DMRT1: variants seen among roughly 807,000 people sequenced by gnomAD.
The protein encoded by DMRT1 is doublesex- and mab-3-related transcription factor 1.
Under a neutral mutation model 32.3 loss-of-function variants are expected in DMRT1, and 7 were observed. The ratio of observed to expected loss-of-function variants is 0.22; its 90% CI spans 0.12 to 0.41. DMRT1 has a LOEUF of 0.41. Ranked by LOEUF, DMRT1 falls within the 10% of genes least tolerant of loss-of-function variation. The pLI, the probability that DMRT1 is intolerant of heterozygous loss-of-function variation, is 1.00. For missense variants in DMRT1, 625 were observed against 500.5 expected, an observed-to-expected ratio of 1.25 and a Z score of -2.37; for synonymous variants, 278 against 206.1, an observed-to-expected ratio of 1.35 and a Z score of -2.99.
chr9:898,379 A>G (rs1817453253), intron 3 of DMRT1, among the ~76,000 whole-genome samples: 1 of 152,178 alleles, frequency 6.6e-6, no homozygotes, highest in Admixed American at 6.5e-5. Context: ...TCGGCCTCCC[A>G]AAGTGCTGGG....
In DMRT1 at chr9:858,059, C is replaced by T. The variant is rs147221594; in HGVS notation, c.538+10916C>T. ...CATTTGGGTTGGTTTCAAGTCTTTGCTATTGTGAATAGTGCCGCTATAAAC... is the reference window on the plus strand; with the variant it reads ...CATTTGGGTTGGTTTCAAGTCTTTGTTATTGTGAATAGTGCCGCTATAAAC... On this transcript the variant is annotated intron_variant, in intron 2 of 4. Transcript: ENST00000382276. Among the ~76,000 whole-genome samples the T allele has an allele frequency of 5.9e-3, 892 of 152,116 alleles. 7 individuals carry two copies. The highest frequency in any genetic ancestry group is 0.021 in the African/African-American group (867 of 41,468).
intron 2 of DMRT1, among the ~76,000 whole-genome samples, chr9:888,249 T>G (rs73374733): frequency 0.059 from 8,907 of 152,090 alleles, 468 homozygotes; most frequent in African/African-American, 0.14. Context: ...CAGCTTGGGA[T>G]CTAAGCTCTG....
In DMRT1 at chr9:927,589, G is replaced by A. The variant is rs1300550765; in HGVS notation, c.967+10682G>A. On this transcript the variant is annotated intron_variant, in intron 4 of 4. Transcript: ENST00000382276. The stretch of plus-strand genomic sequence containing the variant: ...GGATAGCTTTTGTTTTCTGAACACT[G>A]AAAGTTAGCTTTATATGTATTTATA... Among the ~76,000 whole-genome samples the A allele has an allele frequency of 2.6e-5, 4 of 152,188 alleles. No homozygotes were observed. The South Asian group carries it at 8.3e-4, about 32-fold the overall frequency.
At chr9:871,997 G>C (rs1319140621) in intron 2 of DMRT1, among the ~76,000 whole-genome samples, 1 of 151,446 alleles carries the variant, frequency 6.6e-6, no homozygotes, top group Non-Finnish European at 1.5e-5. Flanking sequence ...ATAGGAAGCA[G>C]ACTTTATATT....
intron 3 of DMRT1, among the ~76,000 whole-genome samples, chr9:900,692 T>C (rs1817539535): frequency 6.6e-6 from 1 of 152,040 alleles, no homozygotes. Context: ...CTTAATTTTT[T>C]TTTTTTTTTG....
At position 894,092 on chromosome 9, in the gene DMRT1, C is replaced by G. The variant is rs1199100031; in HGVS notation, c.719C>G (p.Ala240Gly). 3 of 1,614,292 alleles carry G rather than the reference C, an allele frequency of 1.9e-6. No individual in the cohort carries two copies. The highest frequency in any genetic ancestry group is 3.3e-5 in the Admixed American group (2 of 60,034). ...QYSMALAADS[A>G]SGEVGNPLGG... ...TCCATGGCCTTGGCTGCTGATTCTG[C>G]TTCTGGGGAGGTGGGAAATCCCCTC... The change falls in exon 3 of 5, where the codon GCT (alanine) becomes GGT (glycine). Residue 240 changes from alanine to glycine, a missense_variant. Ala to Gly is a moderately conservative substitution (Grantham distance 60, BLOSUM62 0). Transcript: ENST00000382276.
intron 4 of DMRT1, among the ~76,000 whole-genome samples, chr9:962,713 T>G (rs1454194772): frequency 6.6e-6 from 1 of 152,108 alleles, no homozygotes; most frequent in African/African-American, 2.4e-5. Flanking sequence ...GCGCCCCTTC[T>G]TTCTCTTCCC....
Position 892,515 on chromosome 9 carries a change from C to T in DMRT1, c.539-1397C>T, listed in dbSNP as rs75883450. Among the ~76,000 whole-genome samples, 108 of 152,260 alleles carry T rather than the reference C, an allele frequency of 7.1e-4. 1 individual carries two copies. The highest frequency in any genetic ancestry group is 3.9e-3 in the East Asian group (20 of 5,164). ...GCCCCTCAGCCCTCCAGTTCTGTTG[C>T]GTTTCATCCCCCACATGTCCCTGGA... On this transcript the variant is annotated intron_variant, in intron 2 of 4. Transcript: ENST00000382276.
chr9:871,503 T>C (rs1816254575), intron 2 of DMRT1, among the ~76,000 whole-genome samples: 1 of 53,328 alleles, frequency 1.9e-5, no homozygotes, highest in Admixed American at 1.6e-4. Flanking sequence ...CGGCTAATTT[T>C]TTTTTTTTTT....
intron 2 of DMRT1, among the ~76,000 whole-genome samples, chr9:873,007 C>T (rs560245406): frequency 2.0e-5 from 3 of 152,310 alleles, no homozygotes; most frequent in Admixed American, 6.5e-5. Context: ...CAGTGTCTTT[C>T]GGAAACACTC....
chr9:897,585 CTG>C (rs1447544957), intron 3 of DMRT1, among the ~76,000 whole-genome samples: 1 of 149,110 alleles, frequency 6.7e-6, no homozygotes, highest in East Asian at 2.0e-4. Flanking sequence ...GAGCAAGACA[CTG>C]TCTCCAAAAA....
intron 2 of DMRT1, among the ~76,000 whole-genome samples, chr9:876,003 C>G (rs1816485143): frequency 6.6e-6 from 1 of 152,090 alleles, no homozygotes; most frequent in South Asian, 2.1e-4. Flanking sequence ...AGTTCCCGCC[C>G]CTACACTGGG....
intron 2 of DMRT1, among the ~76,000 whole-genome samples, chr9:887,746 A>G (rs1160856038): frequency 6.6e-6 from 1 of 152,074 alleles, no homozygotes; most frequent in East Asian, 1.9e-4. Flanking sequence ...ACCTCTCTAT[A>G]TAGAACCATT....
chr9:903,787 C>T (rs979492209), intron 3 of DMRT1, among the ~76,000 whole-genome samples: 1 of 152,204 alleles, frequency 6.6e-6, no homozygotes, highest in Admixed American at 6.5e-5. Context: ...ACAGACAGCT[C>T]TGACTCAGAG....
chr9:931,353 G>C (rs1412584249), intron 4 of DMRT1, among the ~76,000 whole-genome samples: 1 of 152,196 alleles, frequency 6.6e-6, no homozygotes, highest in Non-Finnish European at 1.5e-5. Context: ...CCAGTTCTTT[G>C]AATTCAACAT....
At chr9:915,764 G>T (rs543690085) in intron 3 of DMRT1, among the ~76,000 whole-genome samples, 37 of 149,534 alleles carry the variant, frequency 2.5e-4, no homozygotes, top group Non-Finnish European at 1.8e-4. Flanking sequence ...ACAGAGTCTC[G>T]CTCTGTCGCC....
intron 4 of DMRT1, among the ~76,000 whole-genome samples, chr9:944,344 A>G (rs1478965572): frequency 6.6e-6 from 1 of 152,194 alleles, no homozygotes; most frequent in Non-Finnish European, 1.5e-5. Context: ...ATTCCAGGAA[A>G]CAGTATGCTT....
rs1586579116 is a variant in DMRT1, at chr9:893,995, A to G, written c.622A>G (p.Thr208Ala). ...ENTPDLVSDS[T>A]YYSSFYQPSL... is the part of the protein sequence containing the mutation. Reference sequence around the variant, plus strand: ...CACACCTGACCTGGTTTCAGACTCCACCTACTACAGCAGCTTCTACCAGCC... The same window carrying G: ...CACACCTGACCTGGTTTCAGACTCCGCCTACTACAGCAGCTTCTACCAGCC... Residue 208 changes from threonine (T) to alanine (A), a missense_variant, in exon 3 of 5, where the codon ACC becomes GCC. By Grantham distance (58) the Thr-to-Ala change is moderately conservative. Coordinates refer to ENST00000382276, the MANE Select transcript of DMRT1 (RefSeq NM_021951.3). The G allele has an allele frequency of 6.2e-7, 1 of 1,614,210 alleles. No homozygotes were observed. The highest frequency in any genetic ancestry group is 1.1e-5 in the South Asian group (1 of 91,084).
chr9:906,148 C>T (rs1324452311), intron 3 of DMRT1, among the ~76,000 whole-genome samples: 1 of 152,118 alleles, frequency 6.6e-6, no homozygotes, highest in Non-Finnish European at 1.5e-5. Flanking sequence ...GAGGTGGACT[C>T]CCTTCATGGT....
Sources: gnomAD v4.1 joint callset for allele counts (sites outside exome capture counted in the v4.1 genomes callset) on GRCh38, gnomAD v4.1.1 for gene constraint, MANE v1.5 for transcripts, NCBI Gene and HGNC (gene_info 2026-07-23, HGNC 2026-07-21) for gene names.